The following NWD2 variants were observed in gnomAD, a reference collection of about 807,000 sequenced individuals.
The protein encoded by NWD2 is NACHT and WD repeat domain-containing protein 2.
NWD2 carries 37 observed loss-of-function variants against 132.7 expected under a neutral mutation model. The ratio of observed to expected loss-of-function variants is 0.28; its 90% CI spans 0.21 to 0.37. NWD2 has a LOEUF of 0.37. Among genes scored for constraint, NWD2 ranks in the 10% least tolerant of loss-of-function variants. The pLI is 1.00. For missense variants in NWD2, 1,592 were observed against 2,122.4 expected, an observed-to-expected ratio of 0.75 and a Z score of 4.91; for synonymous variants, 705 against 803.0, an observed-to-expected ratio of 0.88 and a Z score of 2.06.
intron 1 of NWD2, among the ~76,000 whole-genome samples, chr4:37,298,019 G>A (rs1327468624): frequency 6.6e-6 from 1 of 152,140 alleles, no homozygotes; most frequent in Non-Finnish European, 1.5e-5. Context: ...ACAGGGAACT[G>A]GTGGGCGTCT....
intron 1 of NWD2, among the ~76,000 whole-genome samples, chr4:37,281,218 A>G (rs992735018): frequency 1.3e-5 from 2 of 152,150 alleles, no homozygotes; most frequent in African/African-American, 4.8e-5. Flanking sequence ...AGATTTTCCT[A>G]GGAAGGATCT....
chr4:37,437,351 T>C (rs1358671254), intron 5 of NWD2, among the ~76,000 whole-genome samples: 1 of 152,110 alleles, frequency 6.6e-6, no homozygotes, highest in Non-Finnish European at 1.5e-5. Flanking sequence ...CTCTCTGAGA[T>C]CTCTTTTATA....
chr4:37,314,017 A>G lies in NWD2; in HGVS notation c.152-11919A>G, dbSNP rs913040954. Among the ~76,000 whole-genome samples, 2 of 151,964 alleles carry G rather than the reference A, an allele frequency of 1.3e-5. 1 individual carries two copies. Among genetic ancestry groups the G allele is most frequent in the South Asian group, 4.1e-4 (2 of 4,832 alleles). On this transcript the variant is annotated intron_variant, in intron 1 of 6. Transcript: ENST00000309447. ...GGCCATTGCTGAGTTTTTATCCTGA[A>G]TATGTATTTGATTTTGTCAAATGCT...
Position 37,445,724 on chromosome 4 carries a change from A to G in NWD2, c.3736A>G (p.Ile1246Val). ...SAVLSKNGDC[I>V]IATMENTSAV... ...CGTGCTGTCTAAAAATGGAGATTGT[A>G]TCATCGCCACCATGGAAAATACCTC... The change falls in exon 7 of 7, where the codon ATC (isoleucine) becomes GTC (valine). Residue 1246 changes from isoleucine to valine, a missense_variant. By Grantham distance (29) the Ile-to-Val change is conservative. Transcript: ENST00000309447. The surrounding 1 kb of genome is among the most constrained non-coding windows in gnomAD (Gnocchi z 4.7). 6.4e-7 allele frequency: 1 copy of G among 1,551,860 alleles called. No homozygotes were observed.
At chr4:37,370,676 T>C (rs1292173139) in intron 3 of NWD2, among the ~76,000 whole-genome samples, 1 of 152,232 alleles carries the variant, frequency 6.6e-6, no homozygotes, top group Non-Finnish European at 1.5e-5. Context: ...AGTGAAGTAC[T>C]GGACTCAACT....
rs143165303 is a variant in NWD2 at position 37,262,383 on chromosome 4, C to A, written c.151+17165C>A. On this transcript the variant is annotated intron_variant, in intron 1 of 6. Transcript: ENST00000309447. ...GTATACAGCTTCTGTTTTCTCCACA[C>A]CTTCATCAGCACTACCTTTTGTCTT... Among the ~76,000 whole-genome samples, 4 of 152,302 alleles carry A rather than the reference C, an allele frequency of 2.6e-5. No homozygotes were observed. The East Asian group carries it at 7.7e-4, about 29-fold the overall frequency.
Position 37,446,509 on chromosome 4 carries a change from T to G in NWD2, c.4521T>G (p.Ser1507Arg). 3 of 1,551,590 alleles carry G rather than the reference T, an allele frequency of 1.9e-6. No homozygotes were observed. Among genetic ancestry groups the G allele is most frequent in the Non-Finnish European group, 8.7e-7 (1 of 1,146,950 alleles). Residue 1507 changes from serine to arginine, a missense_variant, in exon 7 of 7, where the codon AGT becomes AGG. Ser to Arg is a moderately radical substitution (Grantham distance 110). Coordinates refer to ENST00000309447, the MANE Select transcript of NWD2 (RefSeq NM_001144990.2). This position sits in a 1 kb window ranked among gnomAD's most constrained non-coding sequence, Gnocchi z 6.7. ...ITSAETVNIW[S>R]LTDEVICRRV... ...CGGCCGAGACTGTGAACATCTGGAGTCTGACAGATGAAGTGATCTGTCGGC... is the reference window on the plus strand; with the variant it reads ...CGGCCGAGACTGTGAACATCTGGAGGCTGACAGATGAAGTGATCTGTCGGC...
intron 1 of NWD2, among the ~76,000 whole-genome samples, chr4:37,316,281 A>G (rs1410024122): frequency 1.3e-5 from 2 of 152,134 alleles, no homozygotes; most frequent in East Asian, 3.9e-4. Flanking sequence ...TCATTTTTTC[A>G]GTACCTTTTT....
rs192596447 is a variant in NWD2 at position 37,306,989 on chromosome 4, A to G, written c.152-18947A>G. ...TAGTGAGCCGAGATTGCGCCACTGC[A>G]CTCCAGCCTAGGCGACAGAGCGAGA... On this transcript the variant is annotated intron_variant, in intron 1 of 6. Transcript: ENST00000309447. Among the ~76,000 whole-genome samples the G allele has an allele frequency of 8.3e-3, 1,244 of 150,782 alleles. 11 individuals are homozygous for G. Among genetic ancestry groups the G allele is most frequent in the African/African-American group, 0.029 (1,193 of 40,898 alleles).
intron 6 of NWD2, among the ~76,000 whole-genome samples, chr4:37,440,057 CTCT>C (rs141051996): frequency 0.23 from 35,619 of 151,934 alleles, 5,022 homozygotes; most frequent in Middle Eastern, 0.31. Flanking sequence ...TGCCTCCCAT[CTCT>C]TTGGAGGCCT....
At chr4:37,330,812 C>A (rs947351325) in intron 2 of NWD2, among the ~76,000 whole-genome samples, 30 of 151,026 alleles carry the variant, frequency 2.0e-4, no homozygotes, top group Non-Finnish European at 3.7e-4. Flanking sequence ...AGAATCATCA[C>A]CCTACTTGAG....
chr4:37,329,009 A>C (rs1029151682), intron 2 of NWD2, among the ~76,000 whole-genome samples: 6 of 151,674 alleles, frequency 4.0e-5, no homozygotes, highest in Non-Finnish European at 7.4e-5. Flanking sequence ...GGAAAATGCT[A>C]TGAGAATTTG....
chr4:37,346,099 A>C (rs981787946), intron 2 of NWD2, among the ~76,000 whole-genome samples: 1 of 151,188 alleles, frequency 6.6e-6, no homozygotes, highest in African/African-American at 2.4e-5. Flanking sequence ...AAAAAAAAAA[A>C]CCTACTACTC....
At chr4:37,357,360 A>G (rs1009144343) in intron 3 of NWD2, among the ~76,000 whole-genome samples, 15 of 152,216 alleles carry the variant, frequency 9.9e-5, no homozygotes, top group Non-Finnish European at 1.3e-4. Flanking sequence ...ATATCCGTCT[A>G]TATTTGGCTC....
chr4:37,441,347 C>T (rs1472897029), intron 6 of NWD2, among the ~76,000 whole-genome samples: 1 of 152,184 alleles, frequency 6.6e-6, no homozygotes, highest in East Asian at 1.9e-4. Context: ...CCATGAGGGG[C>T]ACCTGAGAAC....
intron 1 of NWD2, among the ~76,000 whole-genome samples, chr4:37,262,941 T>TA (rs1717673852): frequency 1.3e-5 from 2 of 152,116 alleles, no homozygotes; most frequent in Admixed American, 1.3e-4. Flanking sequence ...GAAAACCTGC[T>TA]AAAAATTATT....
chr4:37,306,253 GTATCGTT>G (rs1718706268), intron 1 of NWD2, among the ~76,000 whole-genome samples: 1 of 151,970 alleles, frequency 6.6e-6, no homozygotes, highest in Non-Finnish European at 1.5e-5. Flanking sequence ...TGGTTTCTCA[GTATCGTT>G]TATCTTTTCC....
At chr4:37,404,277 T>TA (rs1163736098) in intron 3 of NWD2, among the ~76,000 whole-genome samples, 1 of 152,182 alleles carries the variant, frequency 6.6e-6, no homozygotes, top group African/African-American at 2.4e-5. Context: ...TGATTATTGA[T>TA]AAAAAATGAA....
At chr4:37,388,964 A>G (rs1328332352) in intron 3 of NWD2, among the ~76,000 whole-genome samples, 1 of 151,372 alleles carries the variant, frequency 6.6e-6, no homozygotes, top group East Asian at 1.9e-4. Context: ...AGAAACATGG[A>G]GAGTTGATAA....
Sources: gnomAD v4.1 joint callset for allele counts (sites outside exome capture counted in the v4.1 genomes callset) on GRCh38, gnomAD v4.1.1 for gene constraint, Gnocchi (gnomAD v3.1) non-coding constraint, MANE v1.5 for transcripts, NCBI Gene and HGNC (gene_info 2026-07-23, HGNC 2026-07-21) for gene names.